Variants in HSD17B12 observed in about 807,000 individuals in gnomAD.
HSD17B12 encodes very-long-chain 3-oxoacyl-CoA reductase.
Under a neutral mutation model 39.3 loss-of-function variants are expected in HSD17B12, and 32 were observed. The observed-to-expected ratio is 0.81, with a 90% confidence interval of 0.61 to 1.09. The LOEUF (loss-of-function observed/expected upper bound fraction) is 1.09, where lower values mean the gene tolerates loss of function less well. Ranked by LOEUF, HSD17B12 falls within the 50% of genes least tolerant of loss-of-function variation. The pLI is 0.00. For missense variants in HSD17B12, 342 were observed against 382.9 expected (o/e 0.89, Z 0.89); for synonymous variants, 150 against 146.7 (o/e 1.02, Z -0.16).
chr11:43,803,572 C>G (rs1231019677), intron 4 of HSD17B12, among the ~76,000 whole-genome samples: 1 of 152,066 alleles, frequency 6.6e-6, no homozygotes, highest in Non-Finnish European at 1.5e-5. Flanking sequence ...AAGCACCAAA[C>G]AGTCAGTGCT....
chr11:43,664,500 G>A, the HSD17B12 span, among the ~76,000 whole-genome samples: 168 of 152,276 alleles, frequency 1.1e-3, no homozygotes, highest in African/African-American at 3.9e-3. Flanking sequence ...GTGGGGGTCT[G>A]TGTTTCTGAA....
At chr11:43,794,616 A>G (rs937059715) in intron 3 of HSD17B12, among the ~76,000 whole-genome samples, 2 of 152,188 alleles carry the variant, frequency 1.3e-5, no homozygotes, top group African/African-American at 4.8e-5. Context: ...CACTTTAAAC[A>G]TTCACCGGGA....
At chr11:43,849,291 C>T (rs758310268) in intron 9 of HSD17B12, among the ~76,000 whole-genome samples, 6 of 151,510 alleles carry the variant, frequency 4.0e-5, no homozygotes, top group Admixed American at 1.3e-4. Context: ...GGTGACAGAG[C>T]GAGACTATCT....
the HSD17B12 span, among the ~76,000 whole-genome samples, chr11:43,620,377 G>A: frequency 5.9e-5 from 9 of 152,192 alleles, no homozygotes; most frequent in Non-Finnish European, 8.8e-5. Context: ...AACAAGATCC[G>A]AGTTCTCATC....
chr11:43,751,217 A>G (rs1256483690), intron 2 of HSD17B12, among the ~76,000 whole-genome samples: 1 of 152,196 alleles, frequency 6.6e-6, no homozygotes, highest in Admixed American at 6.5e-5. Flanking sequence ...AATTTAGTGT[A>G]ATTTTATTTT....
the HSD17B12 span, among the ~76,000 whole-genome samples, chr11:43,623,839 C>A: frequency 6.6e-6 from 1 of 151,902 alleles, no homozygotes; most frequent in Non-Finnish European, 1.5e-5. Context: ...TAAAATGTCA[C>A]AAGATTTCTG....
intron 1 of HSD17B12, among the ~76,000 whole-genome samples, chr11:43,685,143 C>T (rs1032089920): frequency 6.6e-6 from 1 of 152,154 alleles, no homozygotes; most frequent in Non-Finnish European, 1.5e-5. Flanking sequence ...TAGCAAATCT[C>T]TAAGATGTAG....
At chr11:43,763,332 C>T (rs909426586) in intron 3 of HSD17B12, among the ~76,000 whole-genome samples, 7 of 151,964 alleles carry the variant, frequency 4.6e-5, no homozygotes, top group East Asian at 3.9e-4. Context: ...AACTTTTGTT[C>T]GAAAATCATT....
At chr11:43,733,416 GT>G (rs1428415137) in intron 1 of HSD17B12, among the ~76,000 whole-genome samples, 1 of 152,154 alleles carries the variant, frequency 6.6e-6, no homozygotes, top group African/African-American at 2.4e-5. Flanking sequence ...GTTGGGATCT[GT>G]TAAAACAGAC....
At position 43,772,813 on chromosome 11, in the gene HSD17B12, A is replaced by G. The variant is rs115413047; in HGVS notation, c.283+18692A>G. ...ACAGATTTTCACCTGATTTGGGGGGAAAAGAAAAAGCTTTCAGCCAGGCAT... is the reference window on the plus strand; with the variant it reads ...ACAGATTTTCACCTGATTTGGGGGGGAAAGAAAAAGCTTTCAGCCAGGCAT... On this transcript the variant is annotated intron_variant, in intron 3 of 10. Transcript: ENST00000278353. Among the ~76,000 whole-genome samples the G allele has an allele frequency of 9.0e-3, 1,367 of 151,932 alleles. 30 individuals are homozygous for G. The highest frequency in any genetic ancestry group is 0.031 in the African/African-American group (1,301 of 41,402).
chr11:43,712,936 C>G (rs1950082997), intron 1 of HSD17B12, among the ~76,000 whole-genome samples: 1 of 152,160 alleles, frequency 6.6e-6, no homozygotes, highest in Non-Finnish European at 1.5e-5. Context: ...TCCATACTAC[C>G]CGTTTGTTTA....
At chr11:43,580,310 A>C in the HSD17B12 span, among the ~76,000 whole-genome samples, 68,529 of 146,408 alleles carry the variant, frequency 0.47, 16,041 homozygotes, top group East Asian at 0.74. Flanking sequence ...TTGTGGGGTC[A>C]GGCAGTCAAT....
intron 1 of HSD17B12, among the ~76,000 whole-genome samples, chr11:43,742,139 A>ATATATATATATATATTTTT (rs61178234): frequency 8.1e-6 from 1 of 123,508 alleles, no homozygotes; most frequent in African/African-American, 3.0e-5. Context: ...ATATATATAT[A>ATATATATATATATATTTTT]TTTTTTTTTT....
chr11:43,684,487 A>G (rs565466998), intron 1 of HSD17B12, among the ~76,000 whole-genome samples: 8 of 152,396 alleles, frequency 5.2e-5, no homozygotes, highest in South Asian at 4.1e-4. Flanking sequence ...GAGTTCATCT[A>G]AAATGATTGC....
chr11:43,751,846 C>A (rs1445066161), intron 2 of HSD17B12, among the ~76,000 whole-genome samples: 1 of 152,144 alleles, frequency 6.6e-6, no homozygotes, highest in Non-Finnish European at 1.5e-5. Flanking sequence ...CAGGATGAAT[C>A]TTCTAAGAGC....
intron 4 of HSD17B12, among the ~76,000 whole-genome samples, chr11:43,804,190 T>C (rs139245168): frequency 3.3e-5 from 5 of 152,338 alleles, no homozygotes; most frequent in Non-Finnish European, 7.3e-5. Context: ...ATTTAAAAAA[T>C]CAACCATAGC....
intron 3 of HSD17B12, among the ~76,000 whole-genome samples, chr11:43,788,523 C>T (rs1950836852): frequency 6.6e-6 from 1 of 152,052 alleles, no homozygotes; most frequent in African/African-American, 2.4e-5. Context: ...AGAAGTCCCT[C>T]CCAGCCTAGC....
chr11:43,604,963 A>G, the HSD17B12 span, among the ~76,000 whole-genome samples: 1 of 152,170 alleles, frequency 6.6e-6, no homozygotes, highest in Non-Finnish European at 1.5e-5. Context: ...CAGGCTTCCT[A>G]GAGTTAGAGC....
the HSD17B12 span, among the ~76,000 whole-genome samples, chr11:43,613,726 G>T: frequency 6.6e-6 from 1 of 151,336 alleles, no homozygotes; most frequent in Non-Finnish European, 1.5e-5. Flanking sequence ...GAATTCAATG[G>T]CGTGATCTTA....
Sources: gnomAD v4.1 joint callset for allele counts (sites outside exome capture counted in the v4.1 genomes callset) on GRCh38, gnomAD v4.1.1 for gene constraint, MANE v1.5 for transcripts, NCBI Gene and HGNC (gene_info 2026-07-23, HGNC 2026-07-21) for gene names.